The following SHANK2 variants were observed in gnomAD, a reference collection of about 807,000 sequenced individuals.
SHANK2 encodes SH3 and multiple ankyrin repeat domains 2.
A neutral mutation model predicts 133.7 loss-of-function variants in SHANK2; 43 were observed. The ratio of observed to expected loss-of-function variants is 0.32; its 90% CI spans 0.25 to 0.41. The LOEUF (loss-of-function observed/expected upper bound fraction) is 0.41. SHANK2 is among the 10% of genes least tolerant of loss of function. The probability of loss-of-function intolerance (pLI) is 1.00; values close to 1 mark genes in which losing one functional copy is unlikely to be tolerated. For synonymous variants in SHANK2, 1,017 were observed against 952.8 expected (o/e 1.07, Z -1.24); for missense variants, 1,994 against 2,235.8 (o/e 0.89, Z 2.18).
chr11:71,074,950 T>C (rs1398206596), intron 9 of SHANK2, among the ~76,000 whole-genome samples: 1 of 151,990 alleles, frequency 6.6e-6, no homozygotes, highest in African/African-American at 2.4e-5. Flanking sequence ...CGGCTAATTT[T>C]TTGTATTTTT....
chr11:70,625,891 A>G (rs888036312), intron 17 of SHANK2, among the ~76,000 whole-genome samples: 1 of 151,138 alleles, frequency 6.6e-6, no homozygotes, highest in Non-Finnish European at 1.5e-5. Flanking sequence ...ATGCAGGAAG[A>G]GAAGTTTCCA....
intron 14 of SHANK2, among the ~76,000 whole-genome samples, chr11:70,709,482 AAGG>A (rs1945733361): frequency 6.6e-6 from 1 of 152,210 alleles, no homozygotes; most frequent in Non-Finnish European, 1.5e-5. Flanking sequence ...CTGGCTGAGG[AAGG>A]AGGAGGAAGT....
At chr11:70,726,816 G>T (rs1346539060) in intron 14 of SHANK2, among the ~76,000 whole-genome samples, 5 of 152,210 alleles carry the variant, frequency 3.3e-5, no homozygotes, top group Non-Finnish European at 7.3e-5. Flanking sequence ...CCAGTTCTGA[G>T]TCTAGACTCC....
At chr11:71,077,114 G>A (rs1004950184) in intron 8 of SHANK2, among the ~76,000 whole-genome samples, 5 of 152,120 alleles carry the variant, frequency 3.3e-5, no homozygotes, top group African/African-American at 1.2e-4. Context: ...ACATAACAAT[G>A]AGGCATAACT....
chr11:71,212,846 C>G (rs571907776), intron 2 of SHANK2, among the ~76,000 whole-genome samples: 2 of 151,996 alleles, frequency 1.3e-5, no homozygotes, highest in Non-Finnish European at 2.9e-5. Context: ...GTAACCAGGT[C>G]GGAACAGCAG....
In SHANK2 at chr11:71,214,724, C is replaced by T. The variant is rs2919738; in HGVS notation, c.-13+9973G>A. 1.4e-3 allele frequency among the ~76,000 whole-genome samples: 211 copies of T among 152,274 alleles called. 3 individuals are homozygous for T. In the South Asian group the frequency reaches 0.038, roughly 28 times the overall value. ...CCCACACATCTGTCGCGTGCCACCC[C>T]GGGCTGCCCTGTCCTCTGGGGTGGG... On this transcript the variant is annotated intron_variant, in intron 2 of 25. Transcript: ENST00000601538.
intron 3 of SHANK2, among the ~76,000 whole-genome samples, chr11:71,121,942 T>A (rs1555101550): frequency 6.6e-6 from 1 of 152,098 alleles, no homozygotes; most frequent in Non-Finnish European, 1.5e-5. Context: ...AAAACCACAA[T>A]GAGATACCAT....
chr11:70,501,847 G>C, intron 20 of SHANK2, 76 bp downstream of exon 20: 2 of 1,479,166 alleles, frequency 1.4e-6, no homozygotes, highest in African/African-American at 1.4e-5. Context: ...TCCGAGGCCT[G>C]GGCTGAGGTG....
chr11:70,896,671 A>G, intron 10 of SHANK2, 104 bp from the exon 11 acceptor site: 1 of 649,148 alleles, frequency 1.5e-6, no homozygotes. Context: ...AAGTCCAATC[A>G]GAACCTTTAA....
At chr11:71,134,044 G>A (rs782546767) in intron 3 of SHANK2, among the ~76,000 whole-genome samples, 5 of 151,452 alleles carry the variant, frequency 3.3e-5, no homozygotes, top group Non-Finnish European at 7.4e-5. Context: ...TACATTCGTG[G>A]ATAAAAGAGC....
chr11:71,244,846 AGT>A lies in SHANK2; in HGVS notation c.-113+7577_-113+7578del, dbSNP rs540789255. Among the ~76,000 whole-genome samples, 260 of 151,916 alleles carry A rather than the reference AGT, an allele frequency of 1.7e-3. 2 individuals are homozygous for A. The highest frequency in any genetic ancestry group is 5.8e-3 in the African/African-American group (241 of 41,396). ...AGCCTTCTGAGTAGCTGGGACTACA[AGT>A]GTGCCCCACTGTGCCTGGCTAATTT... On this transcript the variant is annotated intron_variant, in intron 1 of 25. Coordinates refer to ENST00000601538, the MANE Select transcript of SHANK2 (RefSeq NM_012309.5).
At chr11:71,096,559 A>T (rs905230222) in intron 6 of SHANK2, among the ~76,000 whole-genome samples, 1 of 152,020 alleles carries the variant, frequency 6.6e-6, no homozygotes, top group Non-Finnish European at 1.5e-5. Context: ...AAAGGCCACC[A>T]TGGGAGAGTG....
chr11:70,926,238 T>C (rs1555081577), intron 10 of SHANK2, among the ~76,000 whole-genome samples: 1 of 152,020 alleles, frequency 6.6e-6, no homozygotes, highest in Non-Finnish European at 1.5e-5. Context: ...TGAGACTCCA[T>C]CTCTACAAAA....
rs1341238900 is a variant in SHANK2 at position 70,867,244 on chromosome 11, G to GTAGGT, written c.1174+29252_1174+29256dup. Among the ~76,000 whole-genome samples the GTAGGT allele has an allele frequency of 3.9e-5, 6 of 152,308 alleles. No individual in the cohort carries two copies. The East Asian group carries it at 1.2e-3, about 29-fold the overall frequency. On this transcript the variant is annotated intron_variant, in intron 11 of 25. Coordinates refer to ENST00000601538, the MANE Select transcript of SHANK2 (RefSeq NM_012309.5). ...TCAGCTGTCTCCTATCCGGGTAGGGGTAGGTGGAGGGTGCTGGTGGAAGGA... is the reference window on the plus strand; with the variant it reads ...TCAGCTGTCTCCTATCCGGGTAGGGGTAGGTTAGGTGGAGGGTGCTGGTGGAAGGA...
At position 70,476,033 on chromosome 11, in the gene SHANK2, T is replaced by C. The variant is rs370841859; in HGVS notation, c.4980-2594A>G. Among the ~76,000 whole-genome samples the C allele has an allele frequency of 3.2e-4, 49 of 151,518 alleles. No individual in the cohort carries two copies. The East Asian group carries it at 4.9e-3, about 15-fold the overall frequency. On this transcript the variant is annotated intron_variant, in intron 25 of 25. Coordinates refer to ENST00000601538, the MANE Select transcript of SHANK2 (RefSeq NM_012309.5). ...GGTCAGGGGTTCGAGACCAGCCTGG[T>C]CAATATGGTGAAACCCCATCTCTAC...
At chr11:70,566,919 A>G (rs2136156107) in intron 17 of SHANK2, among the ~76,000 whole-genome samples, 1 of 152,338 alleles carries the variant, frequency 6.6e-6, no homozygotes, top group African/African-American at 2.4e-5. Flanking sequence ...CTGGACAGGA[A>G]GAAGGAAGAA....
At chr11:71,154,395 G>GT (rs759765576) in intron 2 of SHANK2, among the ~76,000 whole-genome samples, 190 of 152,326 alleles carry the variant, frequency 1.2e-3, no homozygotes, top group Admixed American at 2.2e-3. Flanking sequence ...TTGGGGAAGG[G>GT]TGGGCTGCCA....
chr11:70,892,354 G>T (rs577997004), intron 11 of SHANK2, among the ~76,000 whole-genome samples: 1,979 of 146,584 alleles, frequency 0.014, 46 homozygotes, highest in African/African-American at 0.05. Context: ...CTCTAACTAT[G>T]GTGGGGGGGA....
rs1042228311 is a variant in SHANK2, at chr11:71,214,529, C to T, written c.-13+10168G>A. On this transcript the variant is annotated intron_variant, in intron 2 of 25. Coordinates refer to ENST00000601538, the MANE Select transcript of SHANK2 (RefSeq NM_012309.5). ...GAGAAAACGACCTTCCCTAACCACA[C>T]GTTTCCGAAGAAGTGTCATCTCTGC... Among the ~76,000 whole-genome samples, 6 of 152,234 alleles carry T rather than the reference C, an allele frequency of 3.9e-5. No individual in the cohort carries two copies. The East Asian group carries it at 5.8e-4, about 15-fold the overall frequency.
Sources: allele counts gnomAD v4.1 joint callset (sites outside exome capture counted in the v4.1 genomes callset), GRCh38; gene constraint gnomAD v4.1.1; transcripts MANE v1.5; gene names NCBI Gene and HGNC (gene_info 2026-07-23, HGNC 2026-07-21).